LRRC1: variants seen among roughly 807,000 people sequenced by gnomAD.
The protein encoded by LRRC1 is leucine-rich repeat-containing protein 1.
A neutral mutation model predicts 69.9 loss-of-function variants in LRRC1; 28 were observed. That is an observed-to-expected ratio of 0.40 (90% CI 0.30 to 0.55). The LOEUF is 0.55. LRRC1 is among the 20% of genes least tolerant of loss of function. The pLI is 0.47. For missense variants in LRRC1, 498 were observed against 609.0 expected (o/e 0.82, Z 1.92); for synonymous variants, 236 against 240.2 (o/e 0.98, Z 0.16).
At chr6:53,854,330 G>A (rs1357717110) in intron 2 of LRRC1, among the ~76,000 whole-genome samples, 1 of 152,172 alleles carries the variant, frequency 6.6e-6, no homozygotes, top group African/African-American at 2.4e-5. Flanking sequence ...AGAGAAATCA[G>A]TTATTAGGAT....
rs569456749 is a variant in LRRC1 at position 53,850,713 on chromosome 6, G to T, written c.277+8486G>T. Among the ~76,000 whole-genome samples the T allele has an allele frequency of 3.9e-5, 6 of 152,344 alleles. No individual in the cohort carries two copies. The East Asian group carries it at 5.8e-4, about 15-fold the overall frequency. On this transcript the variant is annotated intron_variant, in intron 2 of 13. Transcript: ENST00000370888. ...TTAAAAATCTCAGTGGCTTAACACGGTGAGGAATTTTATTGCTGTTCAGTT... is the reference window on the plus strand; with the variant it reads ...TTAAAAATCTCAGTGGCTTAACACGTTGAGGAATTTTATTGCTGTTCAGTT...
intron 2 of LRRC1, among the ~76,000 whole-genome samples, chr6:53,871,343 A>G (rs1766877223): frequency 6.6e-6 from 1 of 152,028 alleles, no homozygotes; most frequent in Non-Finnish European, 1.5e-5. Flanking sequence ...CTGGGGTGAG[A>G]TGATATCTCA....
At chr6:53,909,906 T>C (rs1365986591) in intron 10 of LRRC1, among the ~76,000 whole-genome samples, 1 of 152,220 alleles carries the variant, frequency 6.6e-6, no homozygotes, top group Non-Finnish European at 1.5e-5. Context: ...GAAAGTTCCC[T>C]TATACTTAAG....
intron 4 of LRRC1, among the ~76,000 whole-genome samples, chr6:53,896,084 G>C (rs768543894): frequency 6.6e-6 from 1 of 152,192 alleles, no homozygotes; most frequent in African/African-American, 2.4e-5. Flanking sequence ...AGAGCTCTGA[G>C]CTCTGCAAGA....
chr6:53,831,770 A>G (rs900161463), intron 1 of LRRC1, among the ~76,000 whole-genome samples: 11 of 152,170 alleles, frequency 7.2e-5, no homozygotes, highest in Non-Finnish European at 2.9e-5. Flanking sequence ...TAATTTTTGA[A>G]GTACTATGTC....
chr6:53,841,897 G>T (rs1441119876), intron 1 of LRRC1, among the ~76,000 whole-genome samples: 1 of 152,044 alleles, frequency 6.6e-6, no homozygotes, highest in Non-Finnish European at 1.5e-5. Context: ...TAGATTGATA[G>T]GAAGTTCAAA....
At chr6:53,847,213 T>C (rs956856762) in intron 2 of LRRC1, among the ~76,000 whole-genome samples, 1 of 152,252 alleles carries the variant, frequency 6.6e-6, no homozygotes, top group Admixed American at 6.5e-5. Flanking sequence ...ATTTATCTTT[T>C]GTATCTCGTG....
rs367759478 is a variant in LRRC1 at position 53,841,068 on chromosome 6, G to T, written c.160-1042G>T. 1.3e-4 allele frequency among the ~76,000 whole-genome samples: 20 copies of T among 152,274 alleles called. No homozygotes were observed. The East Asian group carries it at 3.5e-3, about 26-fold the overall frequency. On this transcript the variant is annotated intron_variant, in intron 1 of 13. Transcript: ENST00000370888. ...TTAGTGTCTGCAAGTCTGTGCTCAT[G>T]CCCAGGAGCCGGGATGCAGGGAGAA...
At chr6:53,861,996 G>A (rs1766541973) in intron 2 of LRRC1, among the ~76,000 whole-genome samples, 1 of 152,154 alleles carries the variant, frequency 6.6e-6, no homozygotes, top group Admixed American at 6.5e-5. Context: ...AGGCTTATTT[G>A]CTGTTCAGGG....
intron 4 of LRRC1, 96 bp downstream of exon 4, chr6:53,883,072 C>A: frequency 1.4e-6 from 1 of 717,106 alleles, no homozygotes; most frequent in Non-Finnish European, 2.3e-6. Context: ...TATTTGTCTA[C>A]TCAGAAAGCC....
chr6:53,877,675 TAAC>T (rs1333231552), intron 2 of LRRC1, among the ~76,000 whole-genome samples: 1 of 152,190 alleles, frequency 6.6e-6, no homozygotes, highest in Middle Eastern at 3.2e-3. Context: ...TGCTAAAACA[TAAC>T]AAGTCACCTT....
At chr6:53,910,499 A>G (rs1156568381) in intron 10 of LRRC1, among the ~76,000 whole-genome samples, 1 of 152,198 alleles carries the variant, frequency 6.6e-6, no homozygotes, top group Non-Finnish European at 1.5e-5. Flanking sequence ...GTTTTTTAAG[A>G]CATTCGGGTA....
At chr6:53,829,026 T>C (rs941504136) in intron 1 of LRRC1, among the ~76,000 whole-genome samples, 2 of 152,226 alleles carry the variant, frequency 1.3e-5, no homozygotes, top group African/African-American at 4.8e-5. Flanking sequence ...CACACACTAT[T>C]CTGAAAACCT....
chr6:53,870,296 T>TA, intron 2 of LRRC1, among the ~76,000 whole-genome samples: 1 of 152,338 alleles, frequency 6.6e-6, no homozygotes, highest in South Asian at 2.1e-4. Context: ...TTACTCTGAG[T>TA]AATATTAAAG....
At position 53,892,003 on chromosome 6, in the gene LRRC1, T is replaced by G. The variant is rs1294077934; in HGVS notation, c.447-4495T>G. ...TAAGATTCTGTCTAAAAAAAAAATA[T>G]ATATATATACACACACACACACACA... On this transcript the variant is annotated intron_variant, in intron 4 of 13. Coordinates refer to ENST00000370888, the MANE Select transcript of LRRC1 (RefSeq NM_018214.5). 5.1e-4 allele frequency among the ~76,000 whole-genome samples: 40 copies of G among 79,170 alleles called. 1 individual carries two copies. The highest frequency in any genetic ancestry group is 1.8e-3 in the African/African-American group (38 of 21,094). The allele number at this position is 79,170 out of a possible 152,430, so 51.9% of individuals were successfully genotyped here.
chr6:53,819,680 C>T (rs16884327), intron 1 of LRRC1, among the ~76,000 whole-genome samples: 2,464 of 152,138 alleles, frequency 0.016, 68 homozygotes, highest in African/African-American at 0.055. Context: ...ATGAACTCAC[C>T]CTACCCTATT....
intron 4 of LRRC1, among the ~76,000 whole-genome samples, chr6:53,890,185 A>G (rs1189279522): frequency 6.6e-6 from 1 of 152,174 alleles, no homozygotes; most frequent in Non-Finnish European, 1.5e-5. Flanking sequence ...AATACCCTCA[A>G]ATATGTTAGC....
rs760213192 is a variant in LRRC1 at position 53,896,900 on chromosome 6, CG to C, written c.567+9del. 1 of 1,540,126 alleles carries C rather than the reference CG, an allele frequency of 6.5e-7. No individual in the cohort carries two copies. The highest frequency in any genetic ancestry group is 2.2e-5 in the East Asian group (1 of 44,492). Reference sequence around the variant, plus strand: ...AATGAAATATATAATTTGGTAAGTCCGTATTAGAGATTTGAATTTAACTTTG... The same window carrying C: ...AATGAAATATATAATTTGGTAAGTCCTATTAGAGATTTGAATTTAACTTTG... On this transcript the variant is annotated intron_variant, in intron 6 of 13. Coordinates refer to ENST00000370888, the MANE Select transcript of LRRC1 (RefSeq NM_018214.5).
intron 1 of LRRC1, among the ~76,000 whole-genome samples, chr6:53,833,392 T>A (rs1043823159): frequency 6.6e-6 from 1 of 152,158 alleles, no homozygotes; most frequent in Non-Finnish European, 1.5e-5. Context: ...TTGTTTAGGA[T>A]CATTAATGGT....
Sources: allele counts gnomAD v4.1 joint callset (sites outside exome capture counted in the v4.1 genomes callset), GRCh38; gene constraint gnomAD v4.1.1; transcripts MANE v1.5; gene names NCBI Gene and HGNC (gene_info 2026-07-23, HGNC 2026-07-21).